Variants in DST observed in about 807,000 individuals in gnomAD.
DST encodes the protein bullous pemphigoid antigen.
Under a neutral mutation model 875.2 loss-of-function variants are expected in DST, and 253 were observed. The observed-to-expected ratio is 0.29, with a 90% CI of 0.26 to 0.32. DST has a LOEUF of 0.32. Ranked by LOEUF, DST falls within the 10% of genes least tolerant of loss-of-function variation. The pLI is 1.00. For missense variants in DST, 8,287 were observed against 9,111.6 expected (o/e 0.91, Z 3.68); for synonymous variants, 3,124 against 3,197.1 (o/e 0.98, Z 0.77).
chr6:56,904,867 G>A (rs575010558), intron 2 of DST, among the ~76,000 whole-genome samples: 1 of 152,316 alleles, frequency 6.6e-6, no homozygotes, highest in South Asian at 2.1e-4. Context: ...TCGGCTCACT[G>A]CAACCGCCGC....
intron 4 of DST, among the ~76,000 whole-genome samples, chr6:56,737,648 G>A (rs957770573): frequency 1.3e-5 from 2 of 151,900 alleles, no homozygotes; most frequent in South Asian, 2.1e-4. Flanking sequence ...ACTGGACAGC[G>A]CTACTTTAGA....
intron 4 of DST, among the ~76,000 whole-genome samples, chr6:56,779,222 G>A (rs960987240): frequency 3.3e-5 from 5 of 151,994 alleles, no homozygotes; most frequent in Non-Finnish European, 5.9e-5. Flanking sequence ...CCCACTTTTT[G>A]ATGGGGTTGT....
chr6:56,459,244 G>A lies in DST; in HGVS notation c.23218C>T (p.Pro7740Ser). ...GCTTTGCTTCCAGCTCGACTTCCTG[G>A]TCGGCTGGGAGTCTTCTTGGAATCT... ...FADSKKTPSR[P>S]GSRAGSKAGS... The change falls in exon 104 of 104, where the codon CCA becomes TCA. Residue 7740 changes from proline (P) to serine (S), a missense_variant. Physicochemically the swap from Pro to Ser is moderately conservative, Grantham distance 74. Around this residue, in one of 10 missense-constraint regions of DST, gnomAD observed 240 missense variants for 237.3 expected, o/e 1.01. Transcript: ENST00000680361. 6.2e-7 allele frequency: 1 copy of A among 1,612,848 alleles called. No homozygotes were observed. Among genetic ancestry groups the A allele is most frequent in the South Asian group, 1.1e-5 (1 of 90,820 alleles).
At chr6:56,742,545 G>C (rs2099551024) in intron 4 of DST, 3 of 291,334 alleles carry the variant, frequency 1.0e-5, no homozygotes, top group Admixed American at 8.2e-5. Flanking sequence ...ATATACAACT[G>C]TTACTAAAAA....
At chr6:56,741,732 C>T (rs1029917903) in intron 4 of DST, among the ~76,000 whole-genome samples, 7 of 152,140 alleles carry the variant, frequency 4.6e-5, no homozygotes, top group Non-Finnish European at 8.8e-5. Context: ...ATGTCTAACA[C>T]TGAGATTTAT....
In DST at chr6:56,608,207, T is replaced by C. The variant is rs151214572; in HGVS notation, c.6421A>G (p.Ile2141Val). 4.9e-4 allele frequency: 788 copies of C among 1,613,696 alleles called. 4 individuals carry two copies. The Middle Eastern group carries it at 0.011, about 23-fold the overall frequency. Reference sequence around the variant, plus strand: ...TCTGGCATTTTATCAGGCAGTGTTATATTTTTTAAAATTGATGCTGTGTTG... The same window carrying C: ...TCTGGCATTTTATCAGGCAGTGTTACATTTTTTAAAATTGATGCTGTGTTG... ...DNNTASILKN[I>V]TLPDKMPDLG... Residue 2141 changes from isoleucine (I) to valine (V), a missense_variant, in exon 40 of 104, where the codon ATA becomes GTA. Transcript: ENST00000680361.
At chr6:56,781,464 A>G (rs1030697311) in intron 4 of DST, among the ~76,000 whole-genome samples, 3 of 152,028 alleles carry the variant, frequency 2.0e-5, no homozygotes, top group African/African-American at 4.8e-5. Flanking sequence ...ATTCCTAAGT[A>G]TTTTATTCTC....
chr6:56,580,749 G>T (rs925122313), intron 49 of DST, among the ~76,000 whole-genome samples: 3 of 143,350 alleles, frequency 2.1e-5, no homozygotes, highest in African/African-American at 5.1e-5. Context: ...TTTTTGGTTG[G>T]GGGGGCAGCG....
At chr6:56,753,115 T>C (rs2099592701) in intron 4 of DST, among the ~76,000 whole-genome samples, 1 of 152,142 alleles carries the variant, frequency 6.6e-6, no homozygotes, top group Non-Finnish European at 1.5e-5. Flanking sequence ...TTCATCTCTT[T>C]GATTTGTATT....
chr6:56,862,447 T>C (rs908477545), intron 3 of DST, among the ~76,000 whole-genome samples: 6 of 152,040 alleles, frequency 3.9e-5, no homozygotes, highest in Admixed American at 2.6e-4. Flanking sequence ...ACAAGGTGCC[T>C]TGAGAGCATC....
At chr6:56,848,351 C>G (rs1169016305) in intron 4 of DST, among the ~76,000 whole-genome samples, 2 of 152,156 alleles carry the variant, frequency 1.3e-5, no homozygotes, top group Non-Finnish European at 2.9e-5. Flanking sequence ...AAATACTAAA[C>G]TCTCAGCTCT....
chr6:56,458,946 A>G lies in DST; in HGVS notation c.*59T>C. The G allele has an allele frequency of 1.4e-6, 2 of 1,460,804 alleles. No individual in the cohort carries two copies. Among genetic ancestry groups the G allele is most frequent in the Non-Finnish European group, 1.8e-6 (2 of 1,100,300 alleles). 90.5% of individuals were successfully genotyped at this position (1,460,804 alleles called of 1,614,324 possible). ...CACAAGAATTTCTACACCATATTTTACATCGTTCAAACTTAAATAATAAAT... is the reference window on the plus strand; with the variant it reads ...CACAAGAATTTCTACACCATATTTTGCATCGTTCAAACTTAAATAATAAAT... On this transcript the variant is annotated 3_prime_UTR_variant, in exon 104 of 104. Coordinates refer to ENST00000680361, the MANE Select transcript of DST (RefSeq NM_001374736.1).
Position 56,774,758 on chromosome 6 carries a change from C to T in DST, c.626-39469G>A, listed in dbSNP as rs555296953. 2.4e-4 allele frequency among the ~76,000 whole-genome samples: 37 copies of T among 152,120 alleles called. No homozygotes were observed. The East Asian group carries it at 6.8e-3, about 28-fold the overall frequency. On this transcript the variant is annotated intron_variant, in intron 4 of 103. Transcript: ENST00000680361. ...CTCTAATCCCAGCACTTTGGGAGGC[C>T]GAGATGGGCTGATCACCTGAGGTCG...
At chr6:56,603,444 C>T in intron 41 of DST, 24 bp from the exon 42 acceptor site, 1 of 1,600,400 alleles carries the variant, frequency 6.2e-7, no homozygotes, top group Non-Finnish European at 8.5e-7. Flanking sequence ...TATCCCGGAC[C>T]TATTTACTAT....
chr6:56,705,316 T>C (rs1405634739), intron 5 of DST, among the ~76,000 whole-genome samples: 1 of 152,164 alleles, frequency 6.6e-6, no homozygotes, highest in East Asian at 1.9e-4. Context: ...CCCACCTACT[T>C]CACCCATGGC....
intron 55 of DST, among the ~76,000 whole-genome samples, chr6:56,564,963 T>C (rs955548900): frequency 3.3e-5 from 5 of 152,138 alleles, no homozygotes; most frequent in African/African-American, 1.2e-4. Flanking sequence ...TGGATTCAGT[T>C]TGCCAGTATT....
intron 4 of DST, among the ~76,000 whole-genome samples, chr6:56,822,798 C>T (rs1435688709): frequency 3.3e-5 from 5 of 151,440 alleles, no homozygotes; most frequent in Admixed American, 2.0e-4. Flanking sequence ...AAAAGCTACA[C>T]TATTATTTAT....
At chr6:56,461,259 T>G (rs1384977438) in intron 102 of DST, 2 of 152,226 alleles carry the variant, frequency 1.3e-5, no homozygotes, top group African/African-American at 4.8e-5. Context: ...AAGTGTAGTA[T>G]CTATATGTGA....
intron 5 of DST, among the ~76,000 whole-genome samples, chr6:56,724,682 G>T (rs1341403356): frequency 2.6e-5 from 4 of 151,992 alleles, no homozygotes; most frequent in Non-Finnish European, 4.4e-5. Context: ...ATGTGAAGGG[G>T]GAAAAACTAG....
Sources: gnomAD v4.1 joint callset for allele counts (sites outside exome capture counted in the v4.1 genomes callset) on GRCh38, gnomAD v4.1.1 for gene constraint, gnomAD v4.1.1 regional missense constraint, MANE v1.5 for transcripts, NCBI Gene and HGNC (gene_info 2026-07-23, HGNC 2026-07-21) for gene names.